The following CHST11 variants were observed in gnomAD, a reference collection of about 807,000 sequenced individuals.
CHST11 encodes the protein C4S-1.
CHST11 carries 9 observed loss-of-function variants against 30.4 expected under a neutral mutation model. The ratio of observed to expected loss-of-function variants is 0.30; its 90% CI spans 0.18 to 0.52. The LOEUF is 0.52. Ranked by LOEUF, CHST11 falls within the 20% of genes least tolerant of loss-of-function variation. The pLI is 0.97. For missense variants in CHST11, 348 were observed against 460.6 expected (o/e 0.76, Z 2.24); for synonymous variants, 152 against 187.8 (o/e 0.81, Z 1.56).
chr12:104,583,773 C>T (rs571069650), intron 1 of CHST11, among the ~76,000 whole-genome samples: 183 of 151,200 alleles, frequency 1.2e-3, no homozygotes, highest in Middle Eastern at 6.8e-3. Context: ...AGTGTAGTGG[C>T]GAGATCTCAG....
At position 104,633,412 on chromosome 12, in the gene CHST11, C is replaced by CTTTT. The variant is rs34686417; in HGVS notation, c.204+31438_204+31441dup. On this transcript the variant is annotated intron_variant, in intron 2 of 2. Coordinates refer to ENST00000303694, the MANE Select transcript of CHST11 (RefSeq NM_018413.6). ...ACTGCATGTGCTCCTCTCCCTCTGTCTTTTTTTTTTTTTTTTTTTTGAGAT... is the reference window on the plus strand; with the variant it reads ...ACTGCATGTGCTCCTCTCCCTCTGTCTTTTTTTTTTTTTTTTTTTTTTTTGAGAT... Among the ~76,000 whole-genome samples the CTTTT allele has an allele frequency of 4.7e-4, 53 of 111,880 alleles. 3 individuals carry two copies. Among genetic ancestry groups the CTTTT allele is most frequent in the African/African-American group, 1.1e-3 (33 of 28,932 alleles). The allele number at this position is 111,880 out of a possible 152,430, so 73.4% of individuals were successfully genotyped here.
chr12:104,533,503 G>C (rs191679293), intron 1 of CHST11, among the ~76,000 whole-genome samples: 146 of 152,276 alleles, frequency 9.6e-4, no homozygotes, highest in Non-Finnish European at 1.6e-3. Flanking sequence ...AAGTAGGGAT[G>C]ATTACTAAAA....
At chr12:104,671,318 T>A (rs1229709269) in intron 2 of CHST11, among the ~76,000 whole-genome samples, 1 of 152,176 alleles carries the variant, frequency 6.6e-6, no homozygotes, top group Non-Finnish European at 1.5e-5. Flanking sequence ...TTGGTTGAAA[T>A]CTTGGCTCTG....
chr12:104,618,263 G>A (rs1290941742), intron 2 of CHST11, among the ~76,000 whole-genome samples: 1 of 137,150 alleles, frequency 7.3e-6, no homozygotes, highest in East Asian at 2.1e-4. Context: ...TTGCTCTGTT[G>A]CCCAGGCTGG....
chr12:104,549,777 C>T lies in CHST11; in HGVS notation c.119-52129C>T, dbSNP rs538310634. 1.9e-3 allele frequency among the ~76,000 whole-genome samples: 294 copies of T among 152,128 alleles called. 4 individuals carry two copies. In the South Asian group the frequency reaches 0.033, roughly 17 times the overall value. ...CAAAAATTAGTCAGGTGTGGTGGTG[C>T]GTGCCTGTAGTCCCAGCTACTCGGG... On this transcript the variant is annotated intron_variant, in intron 1 of 2. Coordinates refer to ENST00000303694, the MANE Select transcript of CHST11 (RefSeq NM_018413.6).
At chr12:104,723,382 G>A (rs1410975473) in intron 2 of CHST11, among the ~76,000 whole-genome samples, 3 of 152,210 alleles carry the variant, frequency 2.0e-5, no homozygotes, top group Admixed American at 1.3e-4. Flanking sequence ...CTGGGGGGCC[G>A]TGGGTCTGCC....
intron 2 of CHST11, among the ~76,000 whole-genome samples, chr12:104,716,515 A>AT (rs1351880886): frequency 2.6e-5 from 4 of 152,208 alleles, no homozygotes; most frequent in African/African-American, 9.7e-5. Flanking sequence ...TGTTTCTATG[A>AT]TCGTCTCGCA....
intron 1 of CHST11, among the ~76,000 whole-genome samples, chr12:104,534,628 T>C (rs539517887): frequency 6.6e-6 from 1 of 152,296 alleles, no homozygotes; most frequent in African/African-American, 2.4e-5. Flanking sequence ...TCCTCTTTAA[T>C]GTTTCCTCCC....
At chr12:104,752,703 A>AT (rs2040443668) in intron 2 of CHST11, among the ~76,000 whole-genome samples, 3 of 151,882 alleles carry the variant, frequency 2.0e-5, no homozygotes, top group South Asian at 4.2e-4. Flanking sequence ...AATTTTTTGT[A>AT]TTTTTAGTAC....
At chr12:104,695,715 T>A (rs1317803747) in intron 2 of CHST11, among the ~76,000 whole-genome samples, 1 of 152,178 alleles carries the variant, frequency 6.6e-6, no homozygotes, top group Non-Finnish European at 1.5e-5. Flanking sequence ...CAGAGCTCTT[T>A]GCCAGAAATG....
At chr12:104,744,065 C>T (rs2040369917) in intron 2 of CHST11, among the ~76,000 whole-genome samples, 1 of 152,194 alleles carries the variant, frequency 6.6e-6, no homozygotes, top group African/African-American at 2.4e-5. Context: ...GCAGTGAACA[C>T]ATGTGTGCAT....
chr12:104,620,622 A>G (rs1054325601), intron 2 of CHST11, among the ~76,000 whole-genome samples: 1 of 152,064 alleles, frequency 6.6e-6, no homozygotes, highest in Non-Finnish European at 1.5e-5. Context: ...CCATTTATTT[A>G]TTTATTTATT....
chr12:104,532,476 G>C (rs1008682251), intron 1 of CHST11, among the ~76,000 whole-genome samples: 3 of 152,218 alleles, frequency 2.0e-5, no homozygotes, highest in Admixed American at 2.0e-4. Flanking sequence ...CCAAGGAACA[G>C]TCCGATGCAG....
At chr12:104,663,605 G>C (rs1267664386) in intron 2 of CHST11, among the ~76,000 whole-genome samples, 1 of 152,060 alleles carries the variant, frequency 6.6e-6, no homozygotes, top group African/African-American at 2.4e-5. Flanking sequence ...ACATTCAACT[G>C]CTTTGCTTAG....
chr12:104,732,629 T>G lies in CHST11; in HGVS notation c.205-24320T>G, dbSNP rs371638544. Among the ~76,000 whole-genome samples the G allele has an allele frequency of 2.4e-4, 37 of 152,288 alleles. 1 individual carries two copies. Among genetic ancestry groups the G allele is most frequent in the African/African-American group, 6.0e-4 (25 of 41,564 alleles). On this transcript the variant is annotated intron_variant, in intron 2 of 2. Transcript: ENST00000303694. ...GCACAGCACTAGGTAATAAAACACC[T>G]TTTGGGGCTTAGCCACCAAATGTCC...
chr12:104,610,981 T>C (rs1031641378), intron 2 of CHST11, among the ~76,000 whole-genome samples: 6 of 152,246 alleles, frequency 3.9e-5, no homozygotes, highest in African/African-American at 1.4e-4. Context: ...ATGCTGATTT[T>C]TTTATTTGCA....
At chr12:104,587,109 T>C (rs2038813266) in intron 1 of CHST11, among the ~76,000 whole-genome samples, 2 of 152,196 alleles carry the variant, frequency 1.3e-5, no homozygotes, top group South Asian at 4.1e-4. Context: ...AGTTATCTTC[T>C]CTGTTAATGT....
At chr12:104,733,561 A>G (rs1018703448) in intron 2 of CHST11, among the ~76,000 whole-genome samples, 1 of 152,228 alleles carries the variant, frequency 6.6e-6, no homozygotes, top group Admixed American at 6.5e-5. Context: ...AATGCTTTGC[A>G]TATTCTGTGA....
At chr12:104,513,887 A>G in intron 1 of CHST11, 1 of 432,150 alleles carries the variant, frequency 2.3e-6, no homozygotes, top group Non-Finnish European at 4.3e-6. Context: ...GCAACCTTGG[A>G]TAAGTCACTG....
Sources: gnomAD v4.1 joint callset for allele counts (sites outside exome capture counted in the v4.1 genomes callset) on GRCh38, gnomAD v4.1.1 for gene constraint, MANE v1.5 for transcripts, NCBI Gene and HGNC (gene_info 2026-07-23, HGNC 2026-07-21) for gene names.